Variants in PNKD observed in about 807,000 individuals in gnomAD.
PNKD encodes the protein PNKD metallo-beta-lactamase domain containing.
In PNKD, 36 loss-of-function variants were observed where a neutral mutation model predicts 45.3. The observed-to-expected ratio is 0.80, with a 90% CI of 0.61 to 1.05. PNKD has a LOEUF of 1.05. Ranked by LOEUF, PNKD falls within the 50% of genes least tolerant of loss-of-function variation. The probability of loss-of-function intolerance (pLI) is 0.00; values close to 1 mark genes in which losing one functional copy is unlikely to be tolerated. For missense variants in PNKD, 511 were observed against 506.6 expected (o/e 1.01, Z -0.08); for synonymous variants, 197 against 210.1 (o/e 0.94, Z 0.54).
chr2:218,288,523 G>A (rs1208821258), intron 2 of PNKD, among the ~76,000 whole-genome samples: 2 of 152,224 alleles, frequency 1.3e-5, no homozygotes, highest in African/African-American at 2.4e-5. Context: ...AGGAAGTACA[G>A]GTTGAATATC....
intron 2 of PNKD, among the ~76,000 whole-genome samples, chr2:218,338,791 A>ATTTT (rs372040108): frequency 3.9e-4 from 46 of 117,498 alleles, no homozygotes; most frequent in Non-Finnish European, 6.6e-4. Flanking sequence ...GCCTCAGATG[A>ATTTT]TTTTTTTTTT....
At chr2:218,302,805 CG>C (rs1693303764) in intron 2 of PNKD, among the ~76,000 whole-genome samples, 1 of 152,086 alleles carries the variant, frequency 6.6e-6, no homozygotes, top group South Asian at 2.1e-4. Flanking sequence ...GTAGTCAGGG[CG>C]GGGGGACAGG....
At chr2:218,277,756 A>G (rs1691380213) in intron 2 of PNKD, 3 of 1,584,722 alleles carry the variant, frequency 1.9e-6, no homozygotes, top group Middle Eastern at 1.7e-4. Flanking sequence ...GGCCTCTGCC[A>G]GAGCTGGGGA....
intron 2 of PNKD, chr2:218,277,606 A>G (rs771702461): frequency 1.7e-5 from 28 of 1,614,036 alleles, no homozygotes; most frequent in Non-Finnish European, 2.3e-5. Context: ...ACATTTCCCA[A>G]GAGTGGTGCT....
At chr2:218,338,141 C>A (rs995728505) in intron 2 of PNKD, among the ~76,000 whole-genome samples, 1 of 146,816 alleles carries the variant, frequency 6.8e-6, no homozygotes, top group Non-Finnish European at 1.5e-5. Context: ...GTGAGACTCC[C>A]TCTCAAAAAC....
intron 2 of PNKD, among the ~76,000 whole-genome samples, chr2:218,321,875 C>T (rs1466940904): frequency 1.3e-5 from 2 of 151,430 alleles, no homozygotes; most frequent in South Asian, 2.1e-4. Context: ...ATCCGCAGGC[C>T]TCAGCCTCCC....
At chr2:218,334,281 T>C (rs10932777) in intron 2 of PNKD, among the ~76,000 whole-genome samples, 135,656 of 151,984 alleles carry the variant, frequency 0.89, 60,930 homozygotes, top group Middle Eastern at 0.96. Context: ...CTATGAAGTA[T>C]TCTCAGAGCT....
chr2:218,320,040 C>T (rs549610576), intron 2 of PNKD, among the ~76,000 whole-genome samples: 1 of 152,298 alleles, frequency 6.6e-6, no homozygotes, highest in Admixed American at 6.5e-5. Flanking sequence ...TCCGTGGTGA[C>T]AAGGGAAAGG....
intron 2 of PNKD, chr2:218,280,232 C>T: frequency 2.4e-6 from 2 of 834,782 alleles, no homozygotes; most frequent in Non-Finnish European, 4.0e-6. Context: ...AGCCAAAAGA[C>T]AAGTGTTATA....
At chr2:218,277,135 G>C in intron 2 of PNKD, 1 of 1,580,534 alleles carries the variant, frequency 6.3e-7, no homozygotes, top group South Asian at 1.1e-5. Context: ...CTGTCAGATG[G>C]CTGTGACAAC....
intron 2 of PNKD, among the ~76,000 whole-genome samples, chr2:218,318,453 T>C (rs1004389944): frequency 6.6e-6 from 1 of 152,224 alleles, no homozygotes; most frequent in East Asian, 1.9e-4. Flanking sequence ...AGGCTTGTTC[T>C]GACTCCCTTC....
At chr2:218,343,376 A>G in intron 7 of PNKD, 124 bp from the exon 8 acceptor site, 2 of 802,458 alleles carry the variant, frequency 2.5e-6, no homozygotes, top group Non-Finnish European at 4.3e-6. Context: ...GGGTCTGGAA[A>G]GTGCACAGTC....
intron 2 of PNKD, among the ~76,000 whole-genome samples, chr2:218,309,597 C>T (rs1393082582): frequency 6.6e-6 from 1 of 151,922 alleles, no homozygotes; most frequent in Non-Finnish European, 1.5e-5. Context: ...ATAAAATTTA[C>T]CCAAAGTACT....
At position 218,295,843 on chromosome 2, in the gene PNKD, C is replaced by T. The variant is rs577027350; in HGVS notation, c.236+24294C>T. On this transcript the variant is annotated intron_variant, in intron 2 of 9. Transcript: ENST00000273077. ...GTTTGAGCTTCAGATAAACAACAAA[C>T]CTTTTTTTTTTTTTTTTTCAAGACA... 6.8e-3 allele frequency among the ~76,000 whole-genome samples: 884 copies of T among 129,840 alleles called. 12 individuals are homozygous for T. The highest frequency in any genetic ancestry group is 0.062 in the South Asian group (209 of 3,364). 85.2% of individuals were successfully genotyped at this position (129,840 alleles called of 152,430 possible).
chr2:218,276,980 C>T lies in PNKD; in HGVS notation c.236+5431C>T, dbSNP rs778650298. 1.0e-5 allele frequency: 16 copies of T among 1,591,746 alleles called. No individual in the cohort carries two copies. The East Asian group carries it at 3.3e-4, about 33-fold the overall frequency. ...CTGCCCTGAGCACTGGGTTCCCTGA[C>T]CCCAGCTCTCCTGGGACACTCACGT... On this transcript the variant is annotated intron_variant, in intron 2 of 9. Transcript: ENST00000273077.
At position 218,316,020 on chromosome 2, in the gene PNKD, T is replaced by C. The variant is rs1341578738; in HGVS notation, c.237-23763T>C. Among the ~76,000 whole-genome samples, 6 of 152,234 alleles carry C rather than the reference T, an allele frequency of 3.9e-5. No individual in the cohort carries two copies. The South Asian group carries it at 1.2e-3, about 31-fold the overall frequency. On this transcript the variant is annotated intron_variant, in intron 2 of 9. Transcript: ENST00000273077. ...TGTGAGTGGGATCCAGGTGGCTCCA[T>C]GTGCCTTTCATCTCCCTTAGACCAG...
intron 2 of PNKD, among the ~76,000 whole-genome samples, chr2:218,334,374 C>T (rs1694426006): frequency 2.6e-5 from 4 of 152,110 alleles, no homozygotes; most frequent in Admixed American, 2.6e-4. Context: ...CATTTATCTC[C>T]TGGTCTCCTC....
Position 218,345,102 on chromosome 2 carries a change from C to T in PNKD, c.*121C>T, listed in dbSNP as rs1694796786. On this transcript the variant is annotated 3_prime_UTR_variant, in exon 10 of 10. Coordinates refer to ENST00000273077, the MANE Select transcript of PNKD (RefSeq NM_015488.5). The stretch of plus-strand genomic sequence containing the variant: ...CATCGGCACCCAAGCGGGCATCATC[C>T]CCCCACACTGCTCAGGGGAGGGGAG... 1.3e-6 allele frequency: 1 copy of T among 743,828 alleles called. No individual in the cohort carries two copies. The highest frequency in any genetic ancestry group is 2.7e-5 in the East Asian group (1 of 37,348). 46.1% of individuals were successfully genotyped at this position (743,828 alleles called of 1,614,324 possible).
chr2:218,277,639 A>G (rs1691362119), intron 2 of PNKD: 2 of 1,614,090 alleles, frequency 1.2e-6, no homozygotes, highest in African/African-American at 2.7e-5. Flanking sequence ...GTACCTGGAA[A>G]TGGTGCCCGT....
Sources: allele counts gnomAD v4.1 joint callset (sites outside exome capture counted in the v4.1 genomes callset), GRCh38; gene constraint gnomAD v4.1.1; transcripts MANE v1.5; gene names NCBI Gene and HGNC (gene_info 2026-07-23, HGNC 2026-07-21).